Variants in PHF24 observed in about 807,000 individuals in gnomAD.
PHF24 encodes PHD finger protein 24, also known as Galpha inhibitory interacting protein.
A neutral mutation model predicts 42.6 loss-of-function variants in PHF24; 25 were observed. That is an observed-to-expected ratio of 0.59 (90% CI 0.43 to 0.82). PHF24 has a LOEUF of 0.82. PHF24 is among the 40% of genes least tolerant of loss of function. The probability of loss-of-function intolerance (pLI) is 0.00; values close to 1 mark genes in which losing one functional copy is unlikely to be tolerated. For synonymous variants in PHF24, 185 were observed against 204.8 expected (o/e 0.90, Z 0.83); for missense variants, 470 against 538.1 (o/e 0.87, Z 1.25).
the PHF24 span, chr9:34,723,342 G>A: frequency 6.1e-3 from 9,395 of 1,551,694 alleles, 35 homozygotes; most frequent in Non-Finnish European, 7.4e-3. Flanking sequence ...GAGTGTAGCC[G>A]GAGCTTATCG....
At chr9:34,966,237 C>T (rs933390563) in intron 1 of PHF24, among the ~76,000 whole-genome samples, 3 of 152,190 alleles carry the variant, frequency 2.0e-5, no homozygotes, top group Non-Finnish European at 4.4e-5. Flanking sequence ...TCCCACCTGC[C>T]ACAGGATCCA....
At chr9:34,836,160 G>A in the PHF24 span, 1 of 401,600 alleles carries the variant, frequency 2.5e-6, no homozygotes, top group Non-Finnish European at 5.0e-6. Flanking sequence ...AAGTCTAGAA[G>A]CCTACACCCC....
At chr9:34,752,402 G>A in the PHF24 span, among the ~76,000 whole-genome samples, 1 of 152,016 alleles carries the variant, frequency 6.6e-6, no homozygotes, top group Non-Finnish European at 1.5e-5. Context: ...GAGGCTACTA[G>A]GGGCAACTAT....
At chr9:34,780,290 CTTTTTTTCTTTTTTT>C in the PHF24 span, among the ~76,000 whole-genome samples, 1 of 113,952 alleles carries the variant, frequency 8.8e-6, no homozygotes, top group Non-Finnish European at 1.8e-5. Context: ...TCTTTTTTTT[CTTTTTTTCTTTTTTT>C]TTTTTTTTTT....
chr9:34,724,903 G>A, the PHF24 span: 41 of 1,550,272 alleles, frequency 2.6e-5, no homozygotes, highest in Non-Finnish European at 3.4e-5. Flanking sequence ...CCAGATGCTT[G>A]TGCCGTAAAG....
At chr9:34,707,759 C>T in the PHF24 span, among the ~76,000 whole-genome samples, 232 of 152,048 alleles carry the variant, frequency 1.5e-3, no homozygotes, top group Middle Eastern at 6.8e-3. Context: ...TGGAGTCTTG[C>T]TCTTGTCGCC....
chr9:34,916,169 A>G, the PHF24 span, among the ~76,000 whole-genome samples: 1 of 152,206 alleles, frequency 6.6e-6, no homozygotes, highest in African/African-American at 2.4e-5. Context: ...ACGAGAACGA[A>G]CTAATACAAT....
the PHF24 span, among the ~76,000 whole-genome samples, chr9:34,734,204 G>C: frequency 6.6e-6 from 1 of 152,172 alleles, no homozygotes; most frequent in East Asian, 1.9e-4. Flanking sequence ...AGGTGCACTT[G>C]CTTATTTGGA....
the PHF24 span, chr9:34,709,651 G>T: frequency 6.2e-7 from 1 of 1,614,160 alleles, no homozygotes; most frequent in Admixed American, 1.7e-5. Context: ...TCTGCACATA[G>T]CTCTGCCTGA....
chr9:34,892,898 G>C, the PHF24 span: 3 of 697,076 alleles, frequency 4.3e-6, no homozygotes, highest in Non-Finnish European at 7.9e-6. Context: ...CAGTGTTGGA[G>C]TTACAGATGC....
chr9:34,822,157 A>C, the PHF24 span, among the ~76,000 whole-genome samples: 2 of 152,136 alleles, frequency 1.3e-5, no homozygotes. Flanking sequence ...TATTTTTAAA[A>C]TCCATTATCT....
the PHF24 span, chr9:34,709,551 C>T: frequency 6.2e-7 from 1 of 1,614,192 alleles, no homozygotes; most frequent in Non-Finnish European, 8.5e-7. Context: ...GGAGGCCCCC[C>T]TGTCCTTCCT....
the PHF24 span, among the ~76,000 whole-genome samples, chr9:34,749,950 A>G: frequency 6.6e-6 from 1 of 152,260 alleles, no homozygotes; most frequent in South Asian, 2.1e-4. Context: ...GTGCTGAAGG[A>G]AAAAAACTTT....
the PHF24 span, chr9:34,837,772 A>G: frequency 9.9e-7 from 1 of 1,009,992 alleles, no homozygotes; most frequent in Non-Finnish European, 1.5e-6. Context: ...TGAGACTTAC[A>G]TTTATTTTCC....
At chr9:34,696,186 C>G in the PHF24 span, among the ~76,000 whole-genome samples, 2 of 151,814 alleles carry the variant, frequency 1.3e-5, no homozygotes, top group Non-Finnish European at 2.9e-5. Flanking sequence ...AGTAAAATTC[C>G]AATAAAAAAG....
At chr9:34,761,291 C>G in the PHF24 span, among the ~76,000 whole-genome samples, 1 of 146,954 alleles carries the variant, frequency 6.8e-6, no homozygotes, top group Non-Finnish European at 1.5e-5. Flanking sequence ...TTTTACTATT[C>G]ATCTTTATAT....
At chr9:34,819,738 C>T in the PHF24 span, among the ~76,000 whole-genome samples, 1 of 152,104 alleles carries the variant, frequency 6.6e-6, no homozygotes, top group Non-Finnish European at 1.5e-5. Context: ...ATGATGCTAA[C>T]TGTTCTGTGT....
intron 1 of PHF24, among the ~76,000 whole-genome samples, chr9:34,959,031 T>G (rs564238534): frequency 1.3e-5 from 2 of 152,288 alleles, no homozygotes; most frequent in African/African-American, 4.8e-5. Flanking sequence ...CCTCTTTCCA[T>G]TCCTCCTCTT....
the PHF24 span, among the ~76,000 whole-genome samples, chr9:34,929,965 A>T: frequency 6.6e-6 from 1 of 152,148 alleles, no homozygotes; most frequent in Non-Finnish European, 1.5e-5. Flanking sequence ...CTGCTATTAT[A>T]TTTGCATTTC....
Sources: gnomAD v4.1 joint callset for allele counts (sites outside exome capture counted in the v4.1 genomes callset) on GRCh38, gnomAD v4.1.1 for gene constraint, MANE v1.5 for transcripts, NCBI Gene and HGNC (gene_info 2026-07-23, HGNC 2026-07-21) for gene names.